The following SBF2 variants were observed in gnomAD, a reference collection of about 807,000 sequenced individuals.
SBF2 encodes SET binding factor 2, also known as myotubularin-related protein 13.
SBF2 carries 112 observed loss-of-function variants against 225.2 expected under a neutral mutation model. The ratio of observed to expected loss-of-function variants is 0.50; its 90% CI spans 0.43 to 0.58. The LOEUF is 0.58. Ranked by LOEUF, SBF2 falls within the 20% of genes least tolerant of loss-of-function variation. The pLI is 0.00. For synonymous variants in SBF2, 763 were observed against 773.3 expected (o/e 0.99, Z 0.22); for missense variants, 1,996 against 2,206.2 (o/e 0.90, Z 1.91).
intron 26 of SBF2, chr11:9,838,150 T>C (rs1158097625): frequency 6.6e-6 from 1 of 151,976 alleles, no homozygotes; most frequent in East Asian, 1.9e-4. Context: ...AAATCTACCA[T>C]CTTACTACTT....
intron 3 of SBF2, among the ~76,000 whole-genome samples, chr11:10,042,269 T>C (rs980292087): frequency 3.9e-5 from 6 of 152,172 alleles, no homozygotes; most frequent in African/African-American, 1.4e-4. Context: ...AGTTGCCAAA[T>C]ACTTTGTTAT....
chr11:9,931,909 G>C (rs1347269263), intron 16 of SBF2, among the ~76,000 whole-genome samples: 1 of 152,172 alleles, frequency 6.6e-6, no homozygotes, highest in Non-Finnish European at 1.5e-5. Flanking sequence ...TGGCTAACTA[G>C]AACAAACAGT....
At chr11:10,199,575 A>G (rs1957502573) in intron 1 of SBF2, among the ~76,000 whole-genome samples, 1 of 152,228 alleles carries the variant, frequency 6.6e-6, no homozygotes, top group Non-Finnish European at 1.5e-5. Flanking sequence ...AATAATAAGC[A>G]AAGAACAATA....
chr11:9,950,148 TAA>T (rs35383310), intron 16 of SBF2, among the ~76,000 whole-genome samples: 6 of 146,144 alleles, frequency 4.1e-5, no homozygotes, highest in Middle Eastern at 3.3e-3. Context: ...AAGCAGGGAT[TAA>T]AAAAAAAAAA....
At chr11:9,829,268 A>T (rs1203408305) in intron 28 of SBF2, 88 bp downstream of exon 28, 5 of 1,441,680 alleles carry the variant, frequency 3.5e-6, no homozygotes, top group Admixed American at 1.7e-5. Flanking sequence ...GAACAGTACA[A>T]ATAACAAATA....
intron 17 of SBF2, among the ~76,000 whole-genome samples, chr11:9,870,496 C>G (rs920613424): frequency 6.6e-6 from 1 of 152,096 alleles, no homozygotes; most frequent in Admixed American, 6.5e-5. Flanking sequence ...GGTATTGGTA[C>G]CAAAACAAAT....
chr11:10,098,721 G>C, intron 2 of SBF2, among the ~76,000 whole-genome samples: 1 of 103,178 alleles, frequency 9.7e-6, no homozygotes, highest in African/African-American at 3.8e-5. Context: ...ACACACACAC[G>C]AAATTCTGGA....
At chr11:10,146,982 A>T (rs1182028737) in intron 2 of SBF2, among the ~76,000 whole-genome samples, 1 of 152,036 alleles carries the variant, frequency 6.6e-6, no homozygotes, top group African/African-American at 2.4e-5. Flanking sequence ...ACTAATCATT[A>T]GGGAAATGCA....
intron 9 of SBF2, among the ~76,000 whole-genome samples, chr11:9,997,638 C>T (rs1357483165): frequency 2.6e-5 from 4 of 152,160 alleles, no homozygotes; most frequent in Admixed American, 6.5e-5. Context: ...ATTAGCCGGG[C>T]GTGGTGGCGG....
At chr11:10,157,694 TAATAGA>T (rs1955539955) in intron 2 of SBF2, among the ~76,000 whole-genome samples, 1 of 152,178 alleles carries the variant, frequency 6.6e-6, no homozygotes, top group Admixed American at 6.5e-5. Flanking sequence ...AATGTAATAA[TAATAGA>T]AATAAAGTAC....
intron 2 of SBF2, among the ~76,000 whole-genome samples, chr11:10,061,816 A>G (rs182799716): frequency 6.6e-6 from 1 of 152,222 alleles, no homozygotes; most frequent in Non-Finnish European, 1.5e-5. Flanking sequence ...TACCAATGAC[A>G]TTCTTCACAG....
chr11:10,162,706 C>T (rs1955805864), intron 2 of SBF2, among the ~76,000 whole-genome samples: 1 of 152,180 alleles, frequency 6.6e-6, no homozygotes, highest in East Asian at 1.9e-4. Context: ...GTTAAACAGA[C>T]AGGCTCTATT....
At chr11:10,006,217 G>A (rs1472523389) in intron 6 of SBF2, among the ~76,000 whole-genome samples, 1 of 152,168 alleles carries the variant, frequency 6.6e-6, no homozygotes, top group Non-Finnish European at 1.5e-5. Flanking sequence ...CCATGTAACT[G>A]TTATTTGTAC....
At chr11:9,891,435 G>C (rs761191879) in intron 17 of SBF2, among the ~76,000 whole-genome samples, 1 of 152,120 alleles carries the variant, frequency 6.6e-6, no homozygotes, top group Non-Finnish European at 1.5e-5. Flanking sequence ...ACTTTGAAAC[G>C]ATTCCTCTAC....
At chr11:10,090,791 T>C (rs1183366895) in intron 2 of SBF2, among the ~76,000 whole-genome samples, 1 of 102,146 alleles carries the variant, frequency 9.8e-6, no homozygotes, top group Non-Finnish European at 2.3e-5. Context: ...AAAAAGCTAT[T>C]AGAACCTAGT....
At chr11:10,270,573 C>T (rs75372515) in intron 1 of SBF2, among the ~76,000 whole-genome samples, 93 of 152,180 alleles carry the variant, frequency 6.1e-4, no homozygotes, top group African/African-American at 2.2e-3. Context: ...AGTGGACCAA[C>T]GCAGTTCAAA....
chr11:9,789,035 C>G (rs1341300148), intron 35 of SBF2, 74 bp downstream of exon 35: 8 of 1,273,878 alleles, frequency 6.3e-6, no homozygotes, highest in Non-Finnish European at 9.2e-6. Flanking sequence ...TCAGAAGTTA[C>G]TTAGCCTGGT....
At chr11:10,236,421 C>T (rs1959078244) in intron 1 of SBF2, among the ~76,000 whole-genome samples, 1 of 152,190 alleles carries the variant, frequency 6.6e-6, no homozygotes, top group South Asian at 2.1e-4. Context: ...TATGATTACA[C>T]CACTGTACTC....
At chr11:9,890,223 TTTAC>T (rs1405526629) in intron 17 of SBF2, among the ~76,000 whole-genome samples, 30 of 152,214 alleles carry the variant, frequency 2.0e-4, no homozygotes, top group African/African-American at 7.0e-4. Context: ...TATTTATTTA[TTTAC>T]TTACTTATTT....
Sources: gnomAD v4.1 joint callset for allele counts (sites outside exome capture counted in the v4.1 genomes callset) on GRCh38, gnomAD v4.1.1 for gene constraint, MANE v1.5 for transcripts, NCBI Gene and HGNC (gene_info 2026-07-23, HGNC 2026-07-21) for gene names.